The following RNF145 variants were observed in gnomAD, a reference collection of about 807,000 sequenced individuals.
RNF145 encodes the protein ring finger protein 145.
RNF145 carries 12 observed loss-of-function variants against 57.3 expected under a neutral mutation model. The observed-to-expected ratio is 0.21, with a 90% CI of 0.13 to 0.34. The LOEUF is 0.34. Among genes scored for constraint, RNF145 ranks in the 10% least tolerant of loss-of-function variants. RNF145 has a pLI of 1.00. For missense variants in RNF145, 429 were observed against 799.0 expected (o/e 0.54, Z 5.58); for synonymous variants, 262 against 288.3 (o/e 0.91, Z 0.92).
At chr5:159,161,944 A>C (rs1267264791) in intron 9 of RNF145, among the ~76,000 whole-genome samples, 2 of 152,216 alleles carry the variant, frequency 1.3e-5, no homozygotes, top group African/African-American at 4.8e-5. Context: ...TTAGGTCACC[A>C]AACCTCATCA....
At position 159,158,714 on chromosome 5, in the gene RNF145, G is replaced by A; in HGVS notation, c.1948C>T (p.Pro650Ser). 1 of 1,613,912 alleles carries A rather than the reference G, an allele frequency of 6.2e-7. No individual in the cohort carries two copies. The highest frequency in any genetic ancestry group is 8.5e-7 in the Non-Finnish European group (1 of 1,179,854). ...TGTGCTTCATCTTTCGCACTGTGAGGATATTCTTTGGGGTCAAAAGCCCCT... is the reference window on the plus strand; with the variant it reads ...TGTGCTTCATCTTTCGCACTGTGAGAATATTCTTTGGGGTCAAAAGCCCCT... ...QEGAFDPKEY[P>S]HSAKDEAHPV... The change falls in exon 11 of 11, where the codon CCT becomes TCT. Residue 650 changes from proline (P) to serine (S), a missense_variant. By Grantham distance (74) the Pro-to-Ser change is moderately conservative. Around this residue, in one of 4 missense-constraint regions of RNF145, gnomAD observed 102 missense variants for 106.2 expected, o/e 0.96. Coordinates refer to ENST00000424310, the MANE Select transcript of RNF145 (RefSeq NM_001199383.2).
rs199516852 is a variant in RNF145 at position 159,169,835 on chromosome 5, G to A, written c.798-16C>T. 9.3e-4 allele frequency: 1,478 copies of A among 1,585,310 alleles called. No homozygotes were observed. Among genetic ancestry groups the A allele is most frequent in the Non-Finnish European group, 1.2e-3 (1,410 of 1,169,322 alleles). ...TTCCGCAATACTGGAAAAAAAGAGG[G>A]GGAAATTAACAGACATAAACTTTCC... is the stretch of plus-strand genomic sequence containing the variant. On this transcript the variant is annotated splice_polypyrimidine_tract_variant and intron_variant, in intron 6 of 10. Transcript: ENST00000424310.
chr5:159,190,203 A>G (rs1785240252), intron 3 of RNF145, among the ~76,000 whole-genome samples: 2 of 152,096 alleles, frequency 1.3e-5, no homozygotes, highest in Admixed American at 1.3e-4. Flanking sequence ...CACCACACCC[A>G]GTTAATTTTT....
chr5:159,164,973 A>G, intron 8 of RNF145, among the ~76,000 whole-genome samples: 1 of 152,240 alleles, frequency 6.6e-6, no homozygotes. Context: ...AACTATTAGT[A>G]TCATCTCTTA....
chr5:159,186,373 C>T (rs1219739910), intron 3 of RNF145, among the ~76,000 whole-genome samples: 4 of 152,166 alleles, frequency 2.6e-5, no homozygotes, highest in Non-Finnish European at 4.4e-5. Context: ...TAATTAAAGA[C>T]CTTTATTATA....
chr5:159,206,368 G>GA (rs1785881326), intron 1 of RNF145, among the ~76,000 whole-genome samples: 1 of 152,026 alleles, frequency 6.6e-6, no homozygotes, highest in South Asian at 2.1e-4. Context: ...AAATCAAAGA[G>GA]AAAAAAATTT....
intron 8 of RNF145, among the ~76,000 whole-genome samples, chr5:159,165,065 C>G (rs1327910153): frequency 6.6e-6 from 1 of 152,004 alleles, no homozygotes; most frequent in East Asian, 1.9e-4. Context: ...CATCACAATC[C>G]TTGATTGACG....
chr5:159,207,419 A>G, intron 1 of RNF145: 1 of 1,112,086 alleles, frequency 9.0e-7, no homozygotes, highest in South Asian at 1.4e-5. Context: ...AAAACTATTC[A>G]GTACAATACT....
intron 3 of RNF145, among the ~76,000 whole-genome samples, chr5:159,185,357 G>C (rs1785023120): frequency 6.6e-6 from 1 of 152,096 alleles, no homozygotes; most frequent in Non-Finnish European, 1.5e-5. Context: ...CTAAAAGGAG[G>C]ATCTGGGCAT....
intron 5 of RNF145, 47 bp from the exon 6 acceptor site, chr5:159,174,205 A>G (rs1784644114): frequency 2.5e-6 from 3 of 1,209,520 alleles, no homozygotes; most frequent in Admixed American, 2.3e-5. Context: ...CACCATCAAT[A>G]AACACTTTAA....
At chr5:159,166,882 A>T (rs1212941292) in intron 8 of RNF145, among the ~76,000 whole-genome samples, 1 of 152,214 alleles carries the variant, frequency 6.6e-6, no homozygotes, top group Non-Finnish European at 1.5e-5. Flanking sequence ...CCAGCTCCAC[A>T]GAAGGCTGAG....
chr5:159,196,882 G>A (rs191273332), intron 2 of RNF145, among the ~76,000 whole-genome samples: 79 of 152,130 alleles, frequency 5.2e-4, no homozygotes, highest in Non-Finnish European at 1.0e-3. Flanking sequence ...TTTCCAGAAC[G>A]GTCTTGTCTT....
At position 159,169,838 on chromosome 5, in the gene RNF145, A is replaced by G. The variant is rs1402742331; in HGVS notation, c.798-19T>C. 6.3e-7 allele frequency: 1 copy of G among 1,584,240 alleles called. No homozygotes were observed. Among genetic ancestry groups the G allele is most frequent in the East Asian group, 2.3e-5 (1 of 43,498 alleles). On this transcript the variant is annotated intron_variant, in intron 6 of 10. Transcript: ENST00000424310. Reference sequence around the variant, plus strand: ...CGCAATACTGGAAAAAAAGAGGGGGAAATTAACAGACATAAACTTTCCATT... The same window carrying G: ...CGCAATACTGGAAAAAAAGAGGGGGGAATTAACAGACATAAACTTTCCATT...
At chr5:159,180,544 C>T (rs973248907) in intron 4 of RNF145, among the ~76,000 whole-genome samples, 1 of 152,220 alleles carries the variant, frequency 6.6e-6, no homozygotes, top group African/African-American at 2.4e-5. Context: ...AAACACTCAA[C>T]AAGCAACTAG....
At chr5:159,187,294 A>G (rs376044838) in intron 3 of RNF145, among the ~76,000 whole-genome samples, 1 of 152,016 alleles carries the variant, frequency 6.6e-6, no homozygotes, top group Non-Finnish European at 1.5e-5. Context: ...AAAAACAAAC[A>G]AACAAAAAAC....
intron 8 of RNF145, among the ~76,000 whole-genome samples, chr5:159,167,549 G>A (rs1339864469): frequency 2.0e-5 from 3 of 152,098 alleles, no homozygotes; most frequent in African/African-American, 7.2e-5. Context: ...ATTAATTAGT[G>A]TAATTAATAA....
In RNF145 at chr5:159,174,376, T is replaced by C; in HGVS notation, c.622-218A>G. Reference sequence around the variant, plus strand: ...ATTATTAACACTTGACACACACTTATCTAATAGCACAGTAAACTGCCCTAA... The same window carrying C: ...ATTATTAACACTTGACACACACTTACCTAATAGCACAGTAAACTGCCCTAA... On this transcript the variant is annotated intron_variant, in intron 5 of 10. Coordinates refer to ENST00000424310, the MANE Select transcript of RNF145 (RefSeq NM_001199383.2). 2.0e-5 allele frequency among the ~76,000 whole-genome samples: 3 copies of C among 152,196 alleles called. 1 individual carries two copies. Among genetic ancestry groups the C allele is most frequent in the East Asian group, 3.8e-4 (2 of 5,200 alleles).
At chr5:159,194,890 A>C in intron 2 of RNF145, 66 bp from the exon 3 acceptor site, 1 of 1,124,910 alleles carries the variant, frequency 8.9e-7, no homozygotes, top group Non-Finnish European at 1.3e-6. Context: ...AATAAAAGAA[A>C]GAGCTTGAGA....
chr5:159,170,945 A>G (rs924866166), intron 6 of RNF145, among the ~76,000 whole-genome samples: 20 of 152,346 alleles, frequency 1.3e-4, no homozygotes, highest in African/African-American at 4.1e-4. Context: ...TTTCACTGAT[A>G]TAGATGAGGA....
Sources: gnomAD v4.1 joint callset for allele counts (sites outside exome capture counted in the v4.1 genomes callset) on GRCh38, gnomAD v4.1.1 for gene constraint, gnomAD v4.1.1 regional missense constraint, MANE v1.5 for transcripts, NCBI Gene and HGNC (gene_info 2026-07-23, HGNC 2026-07-21) for gene names.